LYPLA1: variants seen among roughly 807,000 people sequenced by gnomAD.
The protein encoded by LYPLA1 is acyl-protein thioesterase 1.
In LYPLA1, 17 loss-of-function variants were observed where a neutral mutation model predicts 34.0. The ratio of observed to expected loss-of-function variants is 0.50; its 90% CI spans 0.34 to 0.75. LYPLA1 has a LOEUF of 0.75. Among genes scored for constraint, LYPLA1 ranks in the 30% least tolerant of loss-of-function variants. LYPLA1 has a pLI of 0.01. For synonymous variants in LYPLA1, 98 were observed against 100.8 expected, an observed-to-expected ratio of 0.97 and a Z score of 0.17; for missense variants, 203 against 288.8, an observed-to-expected ratio of 0.70 and a Z score of 2.15.
At chr8:54,051,304 G>A (rs1805827867) in intron 7 of LYPLA1, 116 bp from the exon 8 acceptor site, 15 of 901,286 alleles carry the variant, frequency 1.7e-5, no homozygotes, top group Non-Finnish European at 1.6e-6. Context: ...AGTTACATTT[G>A]GCCAAAAAAA....
intron 2 of LYPLA1, among the ~76,000 whole-genome samples, chr8:54,085,188 G>A (rs966504827): frequency 6.6e-6 from 1 of 152,202 alleles, no homozygotes; most frequent in Non-Finnish European, 1.5e-5. Flanking sequence ...GGGTTTCGCC[G>A]TGTTGGCCGG....
chr8:54,067,596 G>A (rs926152171), intron 2 of LYPLA1, among the ~76,000 whole-genome samples: 11 of 151,886 alleles, frequency 7.2e-5, no homozygotes, highest in Non-Finnish European at 1.5e-4. Context: ...TTTACATTTG[G>A]CCATATACTT....
chr8:54,094,004 C>A (rs1222340278), intron 2 of LYPLA1, among the ~76,000 whole-genome samples: 2 of 152,162 alleles, frequency 1.3e-5, no homozygotes, highest in Non-Finnish European at 2.9e-5. Flanking sequence ...ATTAATAGTT[C>A]TTGATTACAG....
intron 3 of LYPLA1, among the ~76,000 whole-genome samples, chr8:54,064,937 T>G (rs1294078340): frequency 2.0e-5 from 3 of 152,200 alleles, no homozygotes; most frequent in Non-Finnish European, 4.4e-5. Context: ...CAAACTGACC[T>G]GGGCCACAGG....
Position 54,101,590 on chromosome 8 carries a change from G to GC in LYPLA1, c.69+164dup, listed in dbSNP as rs938802943. Reference sequence around the variant, plus strand: ...CGGCTGTGACCCCCCGGCTGCCCCCGCCCCCCGCGGACCCGGCCGCGCGGA... The same window carrying GC: ...CGGCTGTGACCCCCCGGCTGCCCCCGCCCCCCCGCGGACCCGGCCGCGCGGA... On this transcript the variant is annotated intron_variant, in intron 1 of 8. Coordinates refer to ENST00000316963, the MANE Select transcript of LYPLA1 (RefSeq NM_006330.4). 4.1e-5 allele frequency: 47 copies of GC among 1,148,146 alleles called. No individual in the cohort carries two copies. In the African/African-American group the frequency reaches 6.7e-4, roughly 16 times the overall value. The allele number at this position is 1,148,146 out of a possible 1,614,324, so 71.1% of individuals were successfully genotyped here.
intron 2 of LYPLA1, among the ~76,000 whole-genome samples, chr8:54,072,251 G>C (rs1807529271): frequency 6.6e-6 from 1 of 152,114 alleles, no homozygotes. Context: ...ATGGATTCAA[G>C]ACTTAAATGT....
chr8:54,085,643 A>G lies in LYPLA1; in HGVS notation c.101+15265T>C, dbSNP rs1483900958. ...TGCCTGGCCGCGACCCCGTCTGGGA[A>G]CTGAGGAGTGTCTCTGCCCCGCCGT... On this transcript the variant is annotated intron_variant, in intron 2 of 8. Transcript: ENST00000316963. 1.8e-4 allele frequency among the ~76,000 whole-genome samples: 25 copies of G among 137,324 alleles called. 1 individual carries two copies. The East Asian group carries it at 5.6e-3, about 31-fold the overall frequency. The allele number at this position is 137,324 out of a possible 152,430, so 90.1% of individuals were successfully genotyped here.
At chr8:54,093,520 T>C (rs529827824) in intron 2 of LYPLA1, among the ~76,000 whole-genome samples, 30 of 152,324 alleles carry the variant, frequency 2.0e-4, no homozygotes, top group Non-Finnish European at 2.9e-5. Context: ...AAAGAGAATG[T>C]ATGTGGCCCT....
chr8:54,070,833 T>C (rs768282126), intron 2 of LYPLA1, among the ~76,000 whole-genome samples: 1 of 152,062 alleles, frequency 6.6e-6, no homozygotes, highest in Non-Finnish European at 1.5e-5. Context: ...TTGAAAACAA[T>C]GTTAAGTGAA....
intron 6 of LYPLA1, 183 bp downstream of exon 6, chr8:54,054,877 A>T: frequency 1.8e-6 from 1 of 561,620 alleles, no homozygotes; most frequent in Non-Finnish European, 3.1e-6. Flanking sequence ...CATGTGTATT[A>T]TAGTTCTTTC....
chr8:54,089,256 G>C (rs986523043), intron 2 of LYPLA1, among the ~76,000 whole-genome samples: 3 of 152,086 alleles, frequency 2.0e-5, no homozygotes, highest in Admixed American at 6.5e-5. Context: ...CCACAGTTTT[G>C]CTTTCTGTGG....
intron 2 of LYPLA1, among the ~76,000 whole-genome samples, chr8:54,070,882 G>A (rs956934387): frequency 1.3e-5 from 2 of 152,178 alleles, no homozygotes; most frequent in Admixed American, 6.5e-5. Context: ...AAAGAGTATA[G>A]GGTTTCTTTT....
intron 3 of LYPLA1, among the ~76,000 whole-genome samples, chr8:54,064,346 G>A (rs1245427702): frequency 6.6e-6 from 1 of 152,138 alleles, no homozygotes; most frequent in African/African-American, 2.4e-5. Context: ...GAACCCGGGA[G>A]GCAGAGGTTG....
At chr8:54,062,568 G>A (rs1442624935) in intron 4 of LYPLA1, among the ~76,000 whole-genome samples, 1 of 151,838 alleles carries the variant, frequency 6.6e-6, no homozygotes, top group African/African-American at 2.4e-5. Flanking sequence ...CTGAAGTGCA[G>A]TGGCATGATC....
chr8:54,048,196 C>CA, intron 8 of LYPLA1, 78 bp from the exon 9 acceptor site: 2 of 865,744 alleles, frequency 2.3e-6, no homozygotes, highest in South Asian at 1.4e-5. Flanking sequence ...TGCCACTAAT[C>CA]AAATCTATGG....
intron 2 of LYPLA1, among the ~76,000 whole-genome samples, chr8:54,069,585 C>A (rs1205467375): frequency 1.3e-5 from 2 of 151,912 alleles, no homozygotes; most frequent in African/African-American, 2.4e-5. Flanking sequence ...GTGGTGCGCA[C>A]CTGTAGTCCC....
chr8:54,097,550 A>C (rs1278413714), intron 2 of LYPLA1, among the ~76,000 whole-genome samples: 2 of 152,240 alleles, frequency 1.3e-5, no homozygotes, highest in Middle Eastern at 3.2e-3. Flanking sequence ...ATTAGATAAT[A>C]CTAAATGTTA....
At chr8:54,101,660 G>A (rs1810168297) in intron 1 of LYPLA1, 95 bp downstream of exon 1, 5 of 1,172,072 alleles carry the variant, frequency 4.3e-6, no homozygotes, top group Admixed American at 4.5e-5. Flanking sequence ...CTCGTCCGCA[G>A]GCCGCCACGC....
At chr8:54,071,083 A>C (rs1737977355) in intron 2 of LYPLA1, among the ~76,000 whole-genome samples, 1 of 152,220 alleles carries the variant, frequency 6.6e-6, no homozygotes, top group African/African-American at 2.4e-5. Flanking sequence ...AGGAACCATT[A>C]GACAGACTCA....
Sources: gnomAD v4.1 joint callset for allele counts (sites outside exome capture counted in the v4.1 genomes callset) on GRCh38, gnomAD v4.1.1 for gene constraint, MANE v1.5 for transcripts, NCBI Gene and HGNC (gene_info 2026-07-23, HGNC 2026-07-21) for gene names.